The following QKI variants were observed in gnomAD, a reference collection of about 807,000 sequenced individuals.
QKI encodes QKI, KH domain containing RNA binding.
A neutral mutation model predicts 39.0 loss-of-function variants in QKI; 10 were observed. The observed-to-expected ratio is 0.26, with a 90% CI of 0.16 to 0.43. QKI has a LOEUF of 0.43. QKI is among the 20% of genes least tolerant of loss of function. QKI has a pLI of 1.00. For missense variants in QKI, 218 were observed against 428.0 expected, an observed-to-expected ratio of 0.51 and a Z score of 4.33; for synonymous variants, 204 against 155.4, an observed-to-expected ratio of 1.31 and a Z score of -2.33.
chr6:163,417,145 A>G (rs1340909537), intron 1 of QKI, among the ~76,000 whole-genome samples: 2 of 152,120 alleles, frequency 1.3e-5, no homozygotes, highest in African/African-American at 4.8e-5. Context: ...CCTTAAAATT[A>G]TTGGCACAAC....
At chr6:163,430,942 T>A (rs1788776201) in intron 1 of QKI, among the ~76,000 whole-genome samples, 1 of 152,158 alleles carries the variant, frequency 6.6e-6, no homozygotes, top group African/African-American at 2.4e-5. Flanking sequence ...GTCTCCAGGA[T>A]TTGCAGTCAA....
chr6:163,483,102 G>A lies in QKI; in HGVS notation c.402+4206G>A, dbSNP rs187057868. Among the ~76,000 whole-genome samples, 100 of 152,258 alleles carry A rather than the reference G, an allele frequency of 6.6e-4. No individual in the cohort carries two copies. In the Middle Eastern group the frequency reaches 0.034, roughly 52 times the overall value. ...TCACACATTTTTTTAGTTTCCTAGT[G>A]CATATAAAAGTTATGTTTATACCAT... On this transcript the variant is annotated intron_variant, in intron 3 of 7. Transcript: ENST00000361752.
chr6:163,575,618 G>C lies in QKI; in HGVS notation c.*4908G>C, dbSNP rs993731633. ...CATACGCACCAGTGCAGTAGCTCCAGGTGTAAGAGGTCACGAAGGCACCCT... is the reference window on the plus strand; with the variant it reads ...CATACGCACCAGTGCAGTAGCTCCACGTGTAAGAGGTCACGAAGGCACCCT... On this transcript the variant is annotated 3_prime_UTR_variant, in exon 8 of 8. Coordinates refer to ENST00000361752, the MANE Select transcript of QKI (RefSeq NM_006775.3). The C allele has an allele frequency of 2.0e-5, 3 of 152,146 alleles. No individual in the cohort carries two copies. The highest frequency in any genetic ancestry group is 7.2e-5 in the African/African-American group (3 of 41,432). The allele number at this position is 152,146 out of a possible 1,614,324, so 9.4% of individuals were successfully genotyped here.
intron 1 of QKI, among the ~76,000 whole-genome samples, chr6:163,450,552 A>G (rs1042415909): frequency 7.9e-5 from 12 of 152,026 alleles, no homozygotes; most frequent in African/African-American, 2.9e-4. Context: ...GGGGAAAGAA[A>G]AAAGAATAAA....
At chr6:163,569,283 A>C (rs1783562397) in intron 7 of QKI, 2 of 1,015,212 alleles carry the variant, frequency 2.0e-6, no homozygotes, top group South Asian at 7.0e-5. Context: ...TAAATGATAG[A>C]CTATAGAAAA....
At chr6:163,474,082 G>A (rs922737622) in intron 2 of QKI, among the ~76,000 whole-genome samples, 10 of 152,152 alleles carry the variant, frequency 6.6e-5, no homozygotes, top group African/African-American at 2.4e-4. Flanking sequence ...CAGAATTAAG[G>A]AGAAATGTTG....
intron 2 of QKI, among the ~76,000 whole-genome samples, chr6:163,461,221 A>G (rs1219968576): frequency 6.6e-6 from 1 of 152,158 alleles, no homozygotes; most frequent in Non-Finnish European, 1.5e-5. Flanking sequence ...CAAATATTTC[A>G]TAGGCTTTTT....
chr6:163,511,625 A>G (rs984943375), intron 3 of QKI, among the ~76,000 whole-genome samples: 1 of 152,030 alleles, frequency 6.6e-6, no homozygotes, highest in Non-Finnish European at 1.5e-5. Flanking sequence ...TCTTTGGAAA[A>G]CACAAATTAT....
intron 3 of QKI, among the ~76,000 whole-genome samples, chr6:163,502,523 T>G (rs1778836494): frequency 6.6e-6 from 1 of 152,130 alleles, no homozygotes; most frequent in Non-Finnish European, 1.5e-5. Context: ...AAAATTAAGA[T>G]AAAGTGAATG....
chr6:163,553,046 C>G (rs374916961), intron 4 of QKI, among the ~76,000 whole-genome samples: 1 of 135,066 alleles, frequency 7.4e-6, no homozygotes, highest in East Asian at 2.1e-4. Context: ...TTTTCAGGTT[C>G]TTTTTTTTTT....
chr6:163,474,492 A>G (rs1049606310), intron 2 of QKI, among the ~76,000 whole-genome samples: 1 of 152,170 alleles, frequency 6.6e-6, no homozygotes, highest in Admixed American at 6.5e-5. Flanking sequence ...AAACCCAATT[A>G]TATGTTCATA....
At chr6:163,439,535 G>A (rs1789594875) in intron 1 of QKI, among the ~76,000 whole-genome samples, 1 of 150,786 alleles carries the variant, frequency 6.6e-6, no homozygotes, top group Non-Finnish European at 1.5e-5. Flanking sequence ...TGTATTCTTA[G>A]TAGAGATGGG....
At chr6:163,417,710 T>C (rs1787640238) in intron 1 of QKI, among the ~76,000 whole-genome samples, 1 of 152,340 alleles carries the variant, frequency 6.6e-6, no homozygotes, top group Admixed American at 6.5e-5. Context: ...CTTCCCCTTT[T>C]AATGTGGTTT....
At chr6:163,495,572 A>T (rs1778355646) in intron 3 of QKI, among the ~76,000 whole-genome samples, 1 of 152,162 alleles carries the variant, frequency 6.6e-6, no homozygotes, top group South Asian at 2.1e-4. Flanking sequence ...ATTTAATATT[A>T]TTACAATATT....
rs529514529 is a variant in QKI at position 163,511,485 on chromosome 6, T to G, written c.403-23497T>G. On this transcript the variant is annotated intron_variant, in intron 3 of 7. Coordinates refer to ENST00000361752, the MANE Select transcript of QKI (RefSeq NM_006775.3). ...TAATCCAGAATAAGAGAGAAGACAC[T>G]AATTACCAGTATATTTAATAAAATA... Among the ~76,000 whole-genome samples, 4 of 152,102 alleles carry G rather than the reference T, an allele frequency of 2.6e-5. No homozygotes were observed. In the South Asian group the frequency reaches 8.3e-4, roughly 32 times the overall value.
intron 1 of QKI, among the ~76,000 whole-genome samples, chr6:163,436,675 G>A (rs1057493265): frequency 1.1e-4 from 17 of 151,496 alleles, no homozygotes; most frequent in African/African-American, 3.6e-4. Context: ...TTAGCTGGGC[G>A]TGGTGGTGTG....
rs1453677922 is a variant in QKI at position 163,571,916 on chromosome 6, C to T, written c.*1206C>T. 1 of 152,048 alleles carries T rather than the reference C, an allele frequency of 6.6e-6. No homozygotes were observed. Among genetic ancestry groups the T allele is most frequent in the Non-Finnish European group, 1.5e-5 (1 of 68,020 alleles). The allele number at this position is 152,048 out of a possible 1,614,324, so 9.4% of individuals were successfully genotyped here. A position where few individuals can be genotyped will look rare whatever the true frequency, so the allele number is the denominator to read the frequency against. ...GTCAAGTGTCTCATAAAGATCAGCT[C>T]CTCCCTCAGAATACAAGTTAATGCA... is the stretch of plus-strand genomic sequence containing the variant. On this transcript the variant is annotated 3_prime_UTR_variant, in exon 8 of 8. Coordinates refer to ENST00000361752, the MANE Select transcript of QKI (RefSeq NM_006775.3).
chr6:163,516,413 GC>G (rs1289637262), intron 3 of QKI, among the ~76,000 whole-genome samples: 1 of 152,080 alleles, frequency 6.6e-6, no homozygotes, highest in Non-Finnish European at 1.5e-5. Flanking sequence ...TCCTGCCTCA[GC>G]CTCCCAAATA....
At chr6:163,556,711 T>C (rs1782648151) in intron 4 of QKI, among the ~76,000 whole-genome samples, 1 of 152,176 alleles carries the variant, frequency 6.6e-6, no homozygotes, top group African/African-American at 2.4e-5. Context: ...TGTTACGGAC[T>C]GGATTATGGG....
Sources: gnomAD v4.1 joint callset for allele counts (sites outside exome capture counted in the v4.1 genomes callset) on GRCh38, gnomAD v4.1.1 for gene constraint, MANE v1.5 for transcripts, NCBI Gene and HGNC (gene_info 2026-07-23, HGNC 2026-07-21) for gene names.